The following MATR3 variants were observed in gnomAD, a reference collection of about 807,000 sequenced individuals.
The protein encoded by MATR3 is matrin-3.
In MATR3, 4 loss-of-function variants were observed where a neutral mutation model predicts 85.5. That is an observed-to-expected ratio of 0.05 (90% confidence interval 0.02 to 0.11). The LOEUF (loss-of-function observed/expected upper bound fraction) is 0.11. Ranked by LOEUF, MATR3 falls within the 10% of genes least tolerant of loss-of-function variation. The pLI is 1.00. For synonymous variants in MATR3, 336 were observed against 343.1 expected (o/e 0.98, Z 0.23); for missense variants, 685 against 1,016.1 (o/e 0.67, Z 4.43).
At chr5:139,285,996 A>G (rs1016870001) in intron 3 of MATR3, among the ~76,000 whole-genome samples, 6 of 152,230 alleles carry the variant, frequency 3.9e-5, no homozygotes, top group Non-Finnish European at 8.8e-5. Context: ...TCCCCAATCT[A>G]GAGAGACAAA....
chr5:139,291,882 C>T (rs1453392529), upstream of MATR3: 1 of 147,484 alleles, frequency 6.8e-6, no homozygotes, highest in Non-Finnish European at 1.5e-5. Flanking sequence ...GGTAGTGCTT[C>T]GTTGAGGCAT....
chr5:139,329,722 A>G lies in MATR3; in HGVS notation c.*327A>G. 1 of 459,716 alleles carries G rather than the reference A, an allele frequency of 2.2e-6. No homozygotes were observed. The highest frequency in any genetic ancestry group is 1.6e-5 in the South Asian group (1 of 64,212). The allele number at this position is 459,716 out of a possible 1,614,324, so 28.5% of individuals were successfully genotyped here. A position where few individuals can be genotyped will look rare whatever the true frequency, so the allele number is the denominator to read the frequency against. ...TGGAAAAATGAAATTTAGTAGTTCC[A>G]AGTTTCAAAGAAATGTCAACATTTT... On this transcript the variant is annotated 3_prime_UTR_variant, in exon 15 of 15. Coordinates refer to ENST00000394805, the MANE Select transcript of MATR3 (RefSeq NM_018834.6).
intron 1 of MATR3, chr5:139,294,218 C>A: frequency 2.2e-6 from 1 of 450,882 alleles, no homozygotes; most frequent in South Asian, 8.2e-5. Context: ...TCGCTCGAGG[C>A]CTGAGGGACA....
intron 13 of MATR3, among the ~76,000 whole-genome samples, chr5:139,325,865 GTTA>G (rs1234902702): frequency 6.6e-6 from 1 of 152,010 alleles, no homozygotes; most frequent in African/African-American, 2.4e-5. Context: ...ATTTTCTGTT[GTTA>G]TTCCACAATG....
chr5:139,288,002 G>GCCTA (rs1753757888), intron 3 of MATR3, among the ~76,000 whole-genome samples: 1 of 152,104 alleles, frequency 6.6e-6, no homozygotes, highest in South Asian at 2.1e-4. Context: ...CATAAGCCCA[G>GCCTA]GAGTTCGACA....
At chr5:139,277,958 G>C (rs1032306022) in intron 2 of MATR3, among the ~76,000 whole-genome samples, 1 of 151,876 alleles carries the variant, frequency 6.6e-6, no homozygotes, top group Non-Finnish European at 1.5e-5. Flanking sequence ...GGCCAGGCAC[G>C]GTGGCTCGCA....
intron 3 of MATR3, chr5:139,280,454 C>T (rs1470781690): frequency 2.0e-5 from 3 of 152,238 alleles, no homozygotes; most frequent in Admixed American, 2.0e-4. Flanking sequence ...GAGCATCATA[C>T]TCTTCATCTT....
rs147735032 is a variant in MATR3, at chr5:139,295,654, A to G, written c.-178+1849A>G. Among the ~76,000 whole-genome samples, 298 of 152,308 alleles carry G rather than the reference A, an allele frequency of 2.0e-3. 1 individual carries two copies. Among genetic ancestry groups the G allele is most frequent in the African/African-American group, 6.9e-3 (288 of 41,560 alleles). On this transcript the variant is annotated intron_variant, in intron 1 of 14. Coordinates refer to ENST00000394805, the MANE Select transcript of MATR3 (RefSeq NM_018834.6). ...TAGAGTTTGTAAACGCTAATATTAC[A>G]AGTCAGTTAATGGTTTTTACTGAGG...
intron 1 of MATR3, among the ~76,000 whole-genome samples, chr5:139,298,610 G>C (rs1754283598): frequency 6.6e-6 from 1 of 152,178 alleles, no homozygotes; most frequent in Non-Finnish European, 1.5e-5. Flanking sequence ...AATATTCTTT[G>C]TGTGTAGAAA....
chr5:139,289,163 T>C (rs1485611702), upstream of MATR3, among the ~76,000 whole-genome samples: 1 of 152,270 alleles, frequency 6.6e-6, no homozygotes, highest in African/African-American at 2.4e-5. Flanking sequence ...GCCTCAAAGA[T>C]GTGAATCACA....
rs1379916303 is a variant in MATR3 at position 139,331,104 on chromosome 5, T to A, written c.*1709T>A. On this transcript the variant is annotated 3_prime_UTR_variant, in exon 15 of 15. Coordinates refer to ENST00000394805, the MANE Select transcript of MATR3 (RefSeq NM_018834.6). The stretch of plus-strand genomic sequence containing the variant: ...CCATCCCTGGCCAAGAAACAAAGTT[T>A]TAATTTCAAAAAAATCTACAAAAAC... 3 of 453,960 alleles carry A rather than the reference T, an allele frequency of 6.6e-6. No homozygotes were observed. Among genetic ancestry groups the A allele is most frequent in the Non-Finnish European group, 1.3e-5 (3 of 226,780 alleles). 28.1% of individuals were successfully genotyped at this position (453,960 alleles called of 1,614,324 possible).
At chr5:139,317,955 A>G (rs911801795) in intron 7 of MATR3, among the ~76,000 whole-genome samples, 3 of 152,152 alleles carry the variant, frequency 2.0e-5, no homozygotes, top group Non-Finnish European at 4.4e-5. Flanking sequence ...ACTACTATAA[A>G]AGTTGTAAAA....
rs202208841 is a variant in MATR3, at chr5:139,322,715, T to C, written c.1896T>C (p.Gly632=). 1.2e-5 allele frequency: 19 copies of C among 1,614,054 alleles called. No homozygotes were observed. In the South Asian group the frequency reaches 2.0e-4, roughly 17 times the overall value. The change falls in exon 12 of 15, where the codon GGT becomes GGC. Residue 632 remains glycine, a synonymous_variant. Transcript: ENST00000394805. ...TEGKEQEEKS[G]EDGEKDTKDD... ...GTAAAGAACAAGAAGAGAAGTCCGG[T>C]GAAGATGGTGAGAAAGACACAAAGG... is the stretch of plus-strand genomic sequence containing the variant.
chr5:139,292,088 A>T (rs1753893526), upstream of MATR3: 1 of 151,948 alleles, frequency 6.6e-6, no homozygotes, highest in East Asian at 1.9e-4. Context: ...AGTAGCTGGG[A>T]CCACAGGCGT....
At position 139,317,655 on chromosome 5, in the gene MATR3, G is replaced by T. The variant is rs1247608394; in HGVS notation, c.1242G>T (p.Gln414His). 1.2e-6 allele frequency: 2 copies of T among 1,611,398 alleles called. No homozygotes were observed. The highest frequency in any genetic ancestry group is 1.7e-6 in the Non-Finnish European group (2 of 1,179,558). The change falls in exon 7 of 15, where the codon CAG (glutamine) becomes CAT (histidine). Residue 414 changes from glutamine to histidine, a missense_variant. Gln to His is a conservative substitution (Grantham distance 24). This residue lies in a region of MATR3 where 32 missense variants were observed against 88.0 expected (regional missense o/e 0.36). Coordinates refer to ENST00000394805, the MANE Select transcript of MATR3 (RefSeq NM_018834.6). ...DFQRGKNLRYQLLQLVEPFGV... is the reference protein window; with the variant it reads ...DFQRGKNLRYHLLQLVEPFGV... ...AACGAGGGAAAAACTTGAGATACCA[G>T]CTATTACAGCTGGTAGAACCATTTG... is the stretch of plus-strand genomic sequence containing the variant.
rs952254701 is a variant in MATR3 at position 139,330,130 on chromosome 5, C to A, written c.*735C>A. 8.8e-6 allele frequency: 4 copies of A among 454,370 alleles called. No homozygotes were observed. Among genetic ancestry groups the A allele is most frequent in the African/African-American group, 6.0e-5 (3 of 49,984 alleles). 28.1% of individuals were successfully genotyped at this position (454,370 alleles called of 1,614,324 possible). Reference sequence around the variant, plus strand: ...CTTGTCACTTGAATCCCGTGATTGTCATACATCTCTGGTATAAGCAACATT... The same window carrying A: ...CTTGTCACTTGAATCCCGTGATTGTAATACATCTCTGGTATAAGCAACATT... On this transcript the variant is annotated 3_prime_UTR_variant, in exon 15 of 15. Transcript: ENST00000394805.
intron 2 of MATR3, chr5:139,313,456 A>G (rs1296761599): frequency 6.6e-6 from 1 of 152,020 alleles, no homozygotes; most frequent in Non-Finnish European, 1.5e-5. Flanking sequence ...TTTAAATAAC[A>G]CGGACCAAAG....
At chr5:139,289,248 A>C (rs1753799363), upstream of MATR3, among the ~76,000 whole-genome samples, 1 of 152,210 alleles carries the variant, frequency 6.6e-6, no homozygotes, top group South Asian at 2.1e-4. Context: ...CCACTTTCAC[A>C]ATGGCTATTT....
chr5:139,295,643 G>A (rs1170978183), intron 1 of MATR3, among the ~76,000 whole-genome samples: 4 of 152,096 alleles, frequency 2.6e-5, no homozygotes, highest in African/African-American at 7.2e-5. Flanking sequence ...GTTTGTAAAC[G>A]CTAATATTAC....
Sources: allele counts gnomAD v4.1 joint callset (sites outside exome capture counted in the v4.1 genomes callset), GRCh38; gene constraint gnomAD v4.1.1; regional missense constraint gnomAD v4.1.1; transcripts MANE v1.5; gene names NCBI Gene and HGNC (gene_info 2026-07-23, HGNC 2026-07-21).